HMCN1: variants seen among roughly 807,000 people sequenced by gnomAD.
HMCN1 encodes the protein hemicentin-1.
Under a neutral mutation model 625.9 loss-of-function variants are expected in HMCN1, and 321 were observed. The ratio of observed to expected loss-of-function variants is 0.51; its 90% CI spans 0.47 to 0.56. HMCN1 has a LOEUF of 0.56. Ranked by LOEUF, HMCN1 falls within the 20% of genes least tolerant of loss-of-function variation. HMCN1 has a pLI of 0.00. For missense variants in HMCN1, 6,588 were observed against 6,887.3 expected (o/e 0.96, Z 1.54); for synonymous variants, 2,425 against 2,417.6 (o/e 1.00, Z -0.09).
chr1:186,088,349 T>C, intron 62 of HMCN1, 73 bp downstream of exon 62: 2 of 1,603,832 alleles, frequency 1.2e-6, no homozygotes, highest in Non-Finnish European at 1.7e-6. Flanking sequence ...ACTTTTAAAC[T>C]AGCACATTTT....
At chr1:185,772,327 A>G (rs892871435) in intron 1 of HMCN1, among the ~76,000 whole-genome samples, 1 of 152,162 alleles carries the variant, frequency 6.6e-6, no homozygotes, top group Non-Finnish European at 1.5e-5. Context: ...AAGCCTAGGA[A>G]GCAGCAAAAA....
chr1:186,103,183 T>A (rs1422301548), intron 68 of HMCN1, among the ~76,000 whole-genome samples: 2 of 152,142 alleles, frequency 1.3e-5, no homozygotes, highest in Non-Finnish European at 2.9e-5. Context: ...TGTTTTCAAA[T>A]CTTTCAGTCA....
chr1:186,053,073 A>G lies in HMCN1; in HGVS notation c.6699A>G (p.Lys2233=), dbSNP rs200609012. ...CCCCAAATCTCATCTGGAAGAAGAA[A>G]GGTCAGTTTTCATCCTTGAAATTTA... ...IPPPNLIWKK[K]GSPVLTDSMG... Residue 2233 remains lysine (K), a splice_region_variant and synonymous_variant, in exon 43 of 107, where the codon AAA becomes AAG. Coordinates refer to ENST00000271588, the MANE Select transcript of HMCN1 (RefSeq NM_031935.3). The G allele has an allele frequency of 3.5e-5, 56 of 1,608,352 alleles. No homozygotes were observed. The highest frequency in any genetic ancestry group is 2.8e-4 in the Admixed American group (17 of 59,848).
At position 186,055,525 on chromosome 1, in the gene HMCN1, C is replaced by A; in HGVS notation, c.6995C>A (p.Pro2332His). Residue 2332 changes from proline (P) to histidine (H), a missense_variant, in exon 45 of 107, where the codon CCC (proline) becomes CAC (histidine). By Grantham distance (77) the Pro-to-His change is moderately conservative. Coordinates refer to ENST00000271588, the MANE Select transcript of HMCN1 (RefSeq NM_031935.3). ...PTVTWMKDGH[P>H]LIKAKGVEIL... ...GTGACCTGGATGAAAGATGGCCACC[C>A]CTTGATCAAGGCAAAGGGAGTAGAA... 7 of 1,612,828 alleles carry A rather than the reference C, an allele frequency of 4.3e-6. No homozygotes were observed. Among genetic ancestry groups the A allele is most frequent in the East Asian group, 2.2e-5 (1 of 44,774 alleles).
At position 186,099,349 on chromosome 1, in the gene HMCN1, G is replaced by A. The variant is rs1660286248; in HGVS notation, c.10573+3828G>A. Among the ~76,000 whole-genome samples the A allele has an allele frequency of 5.3e-5, 8 of 152,014 alleles. 1 individual carries two copies. The South Asian group carries it at 1.7e-3, about 31-fold the overall frequency. ...TCTGGGAGGTGCAGGGTGGGGTTGG[G>A]TAGCAAATTCCTGTACATCAATTCA... On this transcript the variant is annotated intron_variant, in intron 68 of 106. Coordinates refer to ENST00000271588, the MANE Select transcript of HMCN1 (RefSeq NM_031935.3).
chr1:186,158,211 ATG>A (rs1430846845), intron 97 of HMCN1, among the ~76,000 whole-genome samples: 2 of 150,018 alleles, frequency 1.3e-5, no homozygotes, highest in Non-Finnish European at 3.0e-5. Context: ...GCATTTTTTC[ATG>A]TGTTTTTTGG....
intron 1 of HMCN1, among the ~76,000 whole-genome samples, chr1:185,764,800 A>T (rs186114935): frequency 2.7e-4 from 41 of 152,326 alleles, no homozygotes; most frequent in Admixed American, 6.5e-4. Flanking sequence ...ATATAAATAA[A>T]TTTAATTACA....
At chr1:185,925,248 A>G (rs1432644866) in intron 9 of HMCN1, 57 bp downstream of exon 9, 10 of 1,493,216 alleles carry the variant, frequency 6.7e-6, no homozygotes, top group Non-Finnish European at 2.8e-6. Context: ...AAATATAAAT[A>G]GACTATTATT....
Position 186,150,133 on chromosome 1 carries a change from T to TAA in HMCN1, c.14609-1060_14609-1059dup, listed in dbSNP as rs11375885. 3.7e-4 allele frequency among the ~76,000 whole-genome samples: 56 copies of TAA among 151,902 alleles called. 1 individual carries two copies. Among genetic ancestry groups the TAA allele is most frequent in the East Asian group, 7.8e-4 (4 of 5,150 alleles). ...ACGGTTGCCACAAGCCTTCAATTTG[T>TAA]AAAAAAAACGCAGTGTCTGCAAAGA... On this transcript the variant is annotated intron_variant, in intron 93 of 106. Transcript: ENST00000271588.
chr1:186,017,602 C>T (rs757700448), intron 33 of HMCN1, among the ~76,000 whole-genome samples: 1 of 151,866 alleles, frequency 6.6e-6, no homozygotes, highest in Non-Finnish European at 1.5e-5. Context: ...GATAGGTTCA[C>T]ACATGATTAT....
At position 186,083,547 on chromosome 1, in the gene HMCN1, G is replaced by A. The variant is rs145884183; in HGVS notation, c.8884+586G>A. On this transcript the variant is annotated intron_variant, in intron 57 of 106. Transcript: ENST00000271588. Reference sequence around the variant, plus strand: ...GTTGAATATCTACTGCAAAAGAGTAGTTTTATTTTGTGAGATGCTGGTGCC... The same window carrying A: ...GTTGAATATCTACTGCAAAAGAGTAATTTTATTTTGTGAGATGCTGGTGCC... Among the ~76,000 whole-genome samples, 905 of 146,518 alleles carry A rather than the reference G, an allele frequency of 6.2e-3. 4 individuals carry two copies. The highest frequency in any genetic ancestry group is 8.0e-3 in the Non-Finnish European group (538 of 67,364).
intron 1 of HMCN1, among the ~76,000 whole-genome samples, chr1:185,802,451 A>G (rs1658864823): frequency 1.3e-5 from 2 of 152,176 alleles, no homozygotes; most frequent in Non-Finnish European, 2.9e-5. Context: ...GAAATCACCT[A>G]GGTAAAGTGT....
rs374026882 is a variant in HMCN1 at position 186,017,067 on chromosome 1, A to G, written c.5296A>G (p.Ile1766Val). The G allele has an allele frequency of 2.6e-6, 4 of 1,559,640 alleles. No individual in the cohort carries two copies. The highest frequency in any genetic ancestry group is 2.2e-5 in the East Asian group (1 of 44,550). The change falls in exon 33 of 107, where the codon ATC (isoleucine) becomes GTC (valine). Residue 1766 changes from isoleucine (I) to valine (V), a missense_variant. Ile to Val is a conservative substitution (Grantham distance 29). Coordinates refer to ENST00000271588, the MANE Select transcript of HMCN1 (RefSeq NM_031935.3). ...CHVTGSPPPT[I>V]MWLKDGQLID... is the part of the protein sequence containing the mutation. ...TGTGACAGGCTCTCCCCCACCAACTATCATGTAAGGGTTTTGGTATGTCTT... is the reference window on the plus strand; with the variant it reads ...TGTGACAGGCTCTCCCCCACCAACTGTCATGTAAGGGTTTTGGTATGTCTT...
At chr1:185,775,814 G>T (rs942394810) in intron 1 of HMCN1, among the ~76,000 whole-genome samples, 61 of 152,278 alleles carry the variant, frequency 4.0e-4, no homozygotes, top group Middle Eastern at 3.4e-3. Flanking sequence ...TCTGAAAGGG[G>T]CTTATTCATT....
intron 86 of HMCN1, among the ~76,000 whole-genome samples, chr1:186,135,207 A>C (rs1437151956): frequency 6.6e-6 from 1 of 152,178 alleles, no homozygotes; most frequent in Admixed American, 6.5e-5. Flanking sequence ...TCCTTTTACA[A>C]TCTTTCCAAG....
intron 1 of HMCN1, among the ~76,000 whole-genome samples, chr1:185,840,699 C>T (rs1178946878): frequency 2.0e-5 from 3 of 152,092 alleles, no homozygotes; most frequent in African/African-American, 7.2e-5. Flanking sequence ...TTTAAGTTTT[C>T]AACTGTGGTA....
At chr1:185,899,041 C>T (rs571745429) in intron 4 of HMCN1, among the ~76,000 whole-genome samples, 5 of 151,950 alleles carry the variant, frequency 3.3e-5, no homozygotes, top group African/African-American at 7.2e-5. Context: ...GGACCCCTTC[C>T]AAGTCTCTAA....
At position 185,782,235 on chromosome 1, in the gene HMCN1, T is replaced by G. The variant is rs2102177114; in HGVS notation, c.268+47188T>G. ...TCCATCCCTTTATTTTGAGCCTATG[T>G]GTTTCTCTGCACGTGAGATGGGTCT... On this transcript the variant is annotated intron_variant, in intron 1 of 106. Coordinates refer to ENST00000271588, the MANE Select transcript of HMCN1 (RefSeq NM_031935.3). Among the ~76,000 whole-genome samples the G allele has an allele frequency of 2.0e-5, 3 of 152,326 alleles. No homozygotes were observed. In the East Asian group the frequency reaches 5.8e-4, roughly 29 times the overall value.
intron 34 of HMCN1, 102 bp downstream of exon 34, chr1:186,018,454 G>C: frequency 2.5e-6 from 3 of 1,185,192 alleles, no homozygotes; most frequent in South Asian, 1.2e-5. Flanking sequence ...TAAATCCTGA[G>C]TTGTGGAAGG....
Sources: allele counts gnomAD v4.1 joint callset (sites outside exome capture counted in the v4.1 genomes callset), GRCh38; gene constraint gnomAD v4.1.1; transcripts MANE v1.5; gene names NCBI Gene and HGNC (gene_info 2026-07-23, HGNC 2026-07-21).